Variants in MED13 observed in about 807,000 individuals in gnomAD.
MED13 encodes mediator complex subunit 13.
A neutral mutation model predicts 225.2 loss-of-function variants in MED13; 23 were observed. The observed-to-expected ratio is 0.10, with a 90% CI of 0.07 to 0.14. The LOEUF is 0.14. Among genes scored for constraint, MED13 ranks in the 10% least tolerant of loss-of-function variants. The probability of loss-of-function intolerance (pLI) is 1.00; values close to 1 mark genes in which losing one functional copy is unlikely to be tolerated. For synonymous variants in MED13, 942 were observed against 889.2 expected (o/e 1.06, Z -1.06); for missense variants, 2,197 against 2,594.5 (o/e 0.85, Z 3.33).
chr17:62,057,299 G>A lies in MED13; in HGVS notation c.302-4594C>T, dbSNP rs577011539. Among the ~76,000 whole-genome samples the A allele has an allele frequency of 7.3e-4, 111 of 151,980 alleles. 1 individual carries two copies. The highest frequency in any genetic ancestry group is 2.5e-3 in the African/African-American group (104 of 41,446). ...AACCTATACATTCAACAAATATACCGAGAGCCTTAAGTTGGCCGCATCATT... is the reference window on the plus strand; with the variant it reads ...AACCTATACATTCAACAAATATACCAAGAGCCTTAAGTTGGCCGCATCATT... On this transcript the variant is annotated intron_variant, in intron 2 of 29. Transcript: ENST00000397786.
At chr17:62,023,771 G>A (rs796520989) in intron 8 of MED13, among the ~76,000 whole-genome samples, 1 of 152,210 alleles carries the variant, frequency 6.6e-6, no homozygotes, top group African/African-American at 2.4e-5. Flanking sequence ...CTATGGCAAA[G>A]AGGATACACA....
At chr17:61,954,765 A>T (rs997321729) in intron 26 of MED13, among the ~76,000 whole-genome samples, 1 of 152,178 alleles carries the variant, frequency 6.6e-6, no homozygotes, top group African/African-American at 2.4e-5. Context: ...AGACAGAGTG[A>T]GTGAGACTCT....
In MED13 at chr17:62,058,900, CAATAA is replaced by C. The variant is rs751293627; in HGVS notation, c.301+4162_301+4166del. On this transcript the variant is annotated intron_variant, in intron 2 of 29. Coordinates refer to ENST00000397786, the MANE Select transcript of MED13 (RefSeq NM_005121.3). ...GCTGTAACTGATCTTTGCCAGTTAG[CAATAA>C]AATAAGTTTACATTCTATTTCTACA... Among the ~76,000 whole-genome samples the C allele has an allele frequency of 8.2e-4, 125 of 152,064 alleles. 2 individuals carry two copies. Among genetic ancestry groups the C allele is most frequent in the Non-Finnish European group, 1.5e-3 (99 of 68,012 alleles).
chr17:62,051,925 G>C (rs2080960468), intron 3 of MED13, among the ~76,000 whole-genome samples: 1 of 152,278 alleles, frequency 6.6e-6, no homozygotes. Flanking sequence ...TAACCTGAAG[G>C]TTTTAATTGC....
rs2080230094 is a variant in MED13 at position 61,984,321 on chromosome 17, C to T, written c.2738G>A (p.Gly913Glu). Reference sequence around the variant, plus strand: ...TTTTAGAGGTGCAAACATGGAACATCCCACTAGAATTTGACAATTTTCAGG... The same window carrying T: ...TTTTAGAGGTGCAAACATGGAACATTCCACTAGAATTTGACAATTTTCAGG... ...YKPENCQILVGCSMFAPLKTL... is the reference protein window; with the variant it reads ...YKPENCQILVECSMFAPLKTL... Residue 913 changes from glycine to glutamate, a missense_variant, in exon 15 of 30, where the codon GGA (glycine) becomes GAA (glutamate). Gly to Glu is a moderately conservative substitution (Grantham distance 98). This residue lies in a region of MED13 where 160 missense variants were observed against 184.8 expected (regional missense o/e 0.87). Transcript: ENST00000397786. The T allele has an allele frequency of 6.2e-7, 1 of 1,600,960 alleles. No individual in the cohort carries two copies. Among genetic ancestry groups the T allele is most frequent in the Non-Finnish European group, 8.5e-7 (1 of 1,175,710 alleles).
chr17:62,021,314 G>A (rs2080642650), intron 8 of MED13, among the ~76,000 whole-genome samples: 1 of 140,136 alleles, frequency 7.1e-6, no homozygotes, highest in South Asian at 2.4e-4. Flanking sequence ...GGCCGGGCGG[G>A]GGGCTGACCC....
chr17:61,961,128 A>T (rs770987266), intron 22 of MED13, 38 bp from the exon 23 acceptor site: 1 of 1,412,608 alleles, frequency 7.1e-7, no homozygotes, highest in African/African-American at 1.5e-5. Flanking sequence ...CATACTATAC[A>T]ATCTTAGAGA....
chr17:61,966,287 CCA>C (rs752389811), intron 19 of MED13, among the ~76,000 whole-genome samples, 173 bp downstream of exon 19: 2 of 152,128 alleles, frequency 1.3e-5, no homozygotes, highest in South Asian at 2.1e-4. Flanking sequence ...GTCTTTGCAG[CCA>C]CACAGTCTCT....
chr17:61,992,718 G>C (rs1333864279), intron 10 of MED13, 97 bp from the exon 11 acceptor site: 5 of 781,974 alleles, frequency 6.4e-6, no homozygotes, highest in Non-Finnish European at 6.6e-6. Context: ...ATCCAGCTAA[G>C]TGTTTAACAT....
At chr17:61,963,404 AACC>A (rs1425792489) in intron 20 of MED13, among the ~76,000 whole-genome samples, 2 of 152,006 alleles carry the variant, frequency 1.3e-5, no homozygotes, top group Admixed American at 6.6e-5. Context: ...GCCAGAAAGA[AACC>A]ACGTTTCCAG....
At position 62,033,810 on chromosome 17, in the gene MED13, A is replaced by G; in HGVS notation, c.791T>C (p.Leu264Ser). ...QEDMDWEDDS[L>S]AAVEVLVAGV... is the part of the protein sequence containing the mutation. ...ACCAACAAGAACTTCTACTGCAGCT[A>G]AAGAATCATCTTCCCAATCCATATC... The change falls in exon 5 of 30, where the codon TTA (leucine) becomes TCA (serine). Residue 264 changes from leucine (L) to serine (S), a missense_variant. Physicochemically the swap from Leu to Ser is moderately radical, Grantham distance 145. Around this residue, in one of 12 missense-constraint regions of MED13, gnomAD observed 884 missense variants for 918.5 expected, o/e 0.96. Transcript: ENST00000397786. 1.9e-6 allele frequency: 3 copies of G among 1,614,120 alleles called. No homozygotes were observed. Among genetic ancestry groups the G allele is most frequent in the South Asian group, 1.1e-5 (1 of 91,080 alleles).
At chr17:62,045,745 C>G (rs2080892226) in intron 3 of MED13, among the ~76,000 whole-genome samples, 1 of 152,156 alleles carries the variant, frequency 6.6e-6, no homozygotes, top group African/African-American at 2.4e-5. Flanking sequence ...CAAGAAAACA[C>G]TGGTCATCAT....
In MED13 at chr17:61,962,777, T is replaced by A. The variant is rs758889821; in HGVS notation, c.5039A>T (p.His1680Leu). 6.2e-7 allele frequency: 1 copy of A among 1,614,054 alleles called. No homozygotes were observed. The highest frequency in any genetic ancestry group is 8.5e-7 in the Non-Finnish European group (1 of 1,179,930). ...CTGTACAGAAACAGTACTCTTGATA[T>A]GAGGAGGAAGAGTCTGGACCATTTC... ...FLEMVQTLPPHIKSTVSVQII... is the reference protein window; with the variant it reads ...FLEMVQTLPPLIKSTVSVQII... The change falls in exon 21 of 30, where the codon CAT (histidine) becomes CTT (leucine). Residue 1680 changes from histidine to leucine, a missense_variant. Physicochemically the swap from His to Leu is moderately conservative, Grantham distance 99. This residue lies in a region of MED13 where 457 missense variants were observed against 442.2 expected (regional missense o/e 1.03). Transcript: ENST00000397786.
At chr17:62,043,140 A>G (rs1301192104) in intron 3 of MED13, among the ~76,000 whole-genome samples, 2 of 143,366 alleles carry the variant, frequency 1.4e-5, no homozygotes, top group Admixed American at 1.4e-4. Flanking sequence ...TAGGAGACAA[A>G]GCAAGACCCT....
intron 4 of MED13, 117 bp from the exon 5 acceptor site, chr17:62,034,101 A>G (rs370123658): frequency 5.0e-6 from 4 of 804,942 alleles, no homozygotes; most frequent in Middle Eastern, 3.2e-4. Context: ...GAAACCAGTA[A>G]TAACCATTCC....
intron 4 of MED13, 144 bp downstream of exon 4, chr17:62,035,319 G>T: frequency 1.3e-6 from 1 of 754,950 alleles, no homozygotes; most frequent in African/African-American, 1.8e-5. Flanking sequence ...CACTGTAATG[G>T]GGAAGGAAAA....
chr17:61,969,850 C>T (rs1435041876), intron 17 of MED13, among the ~76,000 whole-genome samples: 1 of 152,102 alleles, frequency 6.6e-6, no homozygotes, highest in Non-Finnish European at 1.5e-5. Context: ...GATCTGCCCA[C>T]CTCGGCCTCC....
chr17:61,987,431 C>G (rs1156782416), intron 11 of MED13, among the ~76,000 whole-genome samples: 1 of 151,808 alleles, frequency 6.6e-6, no homozygotes, highest in Non-Finnish European at 1.5e-5. Context: ...GAGACTCCAT[C>G]TTAAAAACAA....
chr17:62,004,219 G>T (rs2080424099), intron 9 of MED13: 3 of 152,186 alleles, frequency 2.0e-5, no homozygotes, highest in Admixed American at 2.0e-4. Flanking sequence ...TTGTTCTAAG[G>T]GGGTGTGTGT....
Sources: gnomAD v4.1 joint callset for allele counts (sites outside exome capture counted in the v4.1 genomes callset) on GRCh38, gnomAD v4.1.1 for gene constraint, gnomAD v4.1.1 regional missense constraint, MANE v1.5 for transcripts, NCBI Gene and HGNC (gene_info 2026-07-23, HGNC 2026-07-21) for gene names.